Variants in PTPRG observed in about 807,000 individuals in gnomAD.
PTPRG encodes receptor-type tyrosine-protein phosphatase gamma.
Under a neutral mutation model 165.3 loss-of-function variants are expected in PTPRG, and 102 were observed. The observed-to-expected ratio is 0.62, with a 90% CI of 0.53 to 0.73. The LOEUF is 0.73. PTPRG is among the 30% of genes least tolerant of loss of function. The pLI is 0.00. For synonymous variants in PTPRG, 675 were observed against 669.5 expected (o/e 1.01, Z -0.13); for missense variants, 1,866 against 1,861.4 (o/e 1.00, Z -0.05).
intron 2 of PTPRG, among the ~76,000 whole-genome samples, chr3:61,821,524 T>C (rs1191767093): frequency 1.3e-5 from 2 of 152,176 alleles, no homozygotes; most frequent in African/African-American, 4.8e-5. Flanking sequence ...CATTTCTTAA[T>C]CCTTTATGGG....
At chr3:62,177,511 G>A (rs1705470194) in intron 8 of PTPRG, among the ~76,000 whole-genome samples, 1 of 152,198 alleles carries the variant, frequency 6.6e-6, no homozygotes. Context: ...AGGGTGCCAT[G>A]CCCTCTTCCT....
chr3:62,234,941 C>CG (rs1485495540), intron 14 of PTPRG, among the ~76,000 whole-genome samples: 8 of 151,346 alleles, frequency 5.3e-5, no homozygotes, highest in East Asian at 3.9e-4. Flanking sequence ...CTACTTCCCC[C>CG]CCCCGAGATG....
chr3:62,074,987 T>A (rs1048617955), intron 4 of PTPRG, among the ~76,000 whole-genome samples: 1 of 152,212 alleles, frequency 6.6e-6, no homozygotes, highest in African/African-American at 2.4e-5. Flanking sequence ...TCTTACATTT[T>A]AGACACTTCA....
intron 4 of PTPRG, among the ~76,000 whole-genome samples, chr3:62,009,805 A>G (rs868739213): frequency 6.6e-6 from 1 of 152,284 alleles, no homozygotes; most frequent in South Asian, 2.1e-4. Context: ...TGAGGCCCAC[A>G]TGGATCCTGA....
chr3:61,945,560 C>CAAAAAAAAAAAAAAAAAAAAAAAAAAA (rs71123242), intron 2 of PTPRG, among the ~76,000 whole-genome samples: 1 of 55,460 alleles, frequency 1.8e-5, no homozygotes, highest in African/African-American at 7.0e-5. Context: ...ACTCCGTCAC[C>CAAAAAAAAAAAAAAAAAAAAAAAAAAA]AAAAAAAAAA....
chr3:62,109,318 TTG>T (rs1303442611), intron 5 of PTPRG, among the ~76,000 whole-genome samples: 2 of 152,196 alleles, frequency 1.3e-5, no homozygotes, highest in African/African-American at 2.4e-5. Flanking sequence ...TCCCCATTGC[TTG>T]TGTGTGTCAG....
At chr3:61,767,239 T>TAAAAAAAAAAA (rs1371380259) in intron 2 of PTPRG, among the ~76,000 whole-genome samples, 1 of 73,094 alleles carries the variant, frequency 1.4e-5, no homozygotes, top group Admixed American at 2.0e-4. Flanking sequence ...AGATTCCATC[T>TAAAAAAAAAAA]CAAAAAAAAA....
At chr3:61,858,122 G>A (rs760573014) in intron 2 of PTPRG, among the ~76,000 whole-genome samples, 9 of 152,160 alleles carry the variant, frequency 5.9e-5, no homozygotes, top group Non-Finnish European at 1.3e-4. Flanking sequence ...TATTGTGGGC[G>A]TTGGAATAGT....
rs2032799639 is a variant in PTPRG at position 61,738,251 on chromosome 3, T to C, written c.86-10627T>C. ...ACCACATTTAAATAGGGCTTCTTTG[T>C]CCATTTTTATATATATATATATATA... On this transcript the variant is annotated intron_variant, in intron 1 of 29. Coordinates refer to ENST00000474889, the MANE Select transcript of PTPRG (RefSeq NM_002841.4). Among the ~76,000 whole-genome samples the C allele has an allele frequency of 2.4e-5, 3 of 124,978 alleles. No individual in the cohort carries two copies. In the South Asian group the frequency reaches 7.7e-4, roughly 32 times the overall value. The allele number at this position is 124,978 out of a possible 152,430, so 82.0% of individuals were successfully genotyped here.
At chr3:62,106,561 C>T (rs966406048) in intron 5 of PTPRG, among the ~76,000 whole-genome samples, 3 of 148,692 alleles carry the variant, frequency 2.0e-5, no homozygotes, top group Non-Finnish European at 3.0e-5. Flanking sequence ...GGTGCAGTGA[C>T]GCAATCACGG....
intron 2 of PTPRG, chr3:61,925,953 G>A (rs375081253): frequency 8.2e-5 from 39 of 477,082 alleles, no homozygotes; most frequent in African/African-American, 7.0e-4. Flanking sequence ...GCTATTCCTA[G>A]CCTGGTTCTC....
chr3:62,248,909 A>G (rs1476700392), intron 15 of PTPRG, among the ~76,000 whole-genome samples: 1 of 152,232 alleles, frequency 6.6e-6, no homozygotes, highest in Admixed American at 6.5e-5. Flanking sequence ...TGGCTTCAGC[A>G]GGGTGCCAGA....
intron 28 of PTPRG, among the ~76,000 whole-genome samples, chr3:62,290,434 TA>T (rs917375586): frequency 1.3e-4 from 20 of 152,054 alleles, no homozygotes; most frequent in African/African-American, 4.8e-4. Flanking sequence ...AGTGTACCAG[TA>T]AAAAATGAAA....
chr3:61,775,841 A>G (rs1389945047), intron 2 of PTPRG, among the ~76,000 whole-genome samples: 2 of 147,150 alleles, frequency 1.4e-5, no homozygotes, highest in African/African-American at 2.5e-5. Context: ...AAAACCAAAC[A>G]CTGCATGTTC....
In PTPRG at chr3:62,100,081, G is replaced by C. The variant is rs55649741; in HGVS notation, c.615+21823G>C. ...CAAAGTGGATAAATCTTTTAATAAT[G>C]TAATTTTTAGATGAGGAAACTGGAA... is the stretch of plus-strand genomic sequence containing the variant. On this transcript the variant is annotated intron_variant, in intron 5 of 29. Coordinates refer to ENST00000474889, the MANE Select transcript of PTPRG (RefSeq NM_002841.4). Among the ~76,000 whole-genome samples, 609 of 152,130 alleles carry C rather than the reference G, an allele frequency of 4.0e-3. 1 individual carries two copies. The highest frequency in any genetic ancestry group is 6.8e-3 in the Middle Eastern group (2 of 294).
chr3:61,874,413 A>T (rs1439246214), intron 2 of PTPRG, among the ~76,000 whole-genome samples: 1 of 152,176 alleles, frequency 6.6e-6, no homozygotes, highest in East Asian at 1.9e-4. Flanking sequence ...CACCAGGATA[A>T]TTTCAAATTT....
At chr3:61,629,918 T>G (rs745571079) in intron 1 of PTPRG, among the ~76,000 whole-genome samples, 1 of 152,222 alleles carries the variant, frequency 6.6e-6, no homozygotes, top group Non-Finnish European at 1.5e-5. Context: ...TGGGCTACCA[T>G]GCCAGAAATG....
At chr3:61,625,227 AG>A (rs1269544183) in intron 1 of PTPRG, among the ~76,000 whole-genome samples, 1 of 151,488 alleles carries the variant, frequency 6.6e-6, no homozygotes, top group Non-Finnish European at 1.5e-5. Flanking sequence ...ACCTTTTTTA[AG>A]GGGGGATATG....
intron 1 of PTPRG, among the ~76,000 whole-genome samples, chr3:61,692,659 T>C (rs956547378): frequency 2.0e-5 from 3 of 151,236 alleles, no homozygotes; most frequent in African/African-American, 7.3e-5. Flanking sequence ...CAGGCAAGAG[T>C]GGGGGTCACA....
Sources: gnomAD v4.1 joint callset for allele counts (sites outside exome capture counted in the v4.1 genomes callset) on GRCh38, gnomAD v4.1.1 for gene constraint, MANE v1.5 for transcripts, NCBI Gene and HGNC (gene_info 2026-07-23, HGNC 2026-07-21) for gene names.